The following PRDM15 variants were observed in gnomAD, a reference collection of about 807,000 sequenced individuals.
PRDM15 encodes PR domain zinc finger protein 15.
Under a neutral mutation model 128.6 loss-of-function variants are expected in PRDM15, and 64 were observed. The ratio of observed to expected loss-of-function variants is 0.50; its 90% confidence interval spans 0.41 to 0.61. The LOEUF is 0.61. Among genes scored for constraint, PRDM15 ranks in the 20% least tolerant of loss-of-function variants. The probability of loss-of-function intolerance (pLI) is 0.00; values close to 1 mark genes in which losing one functional copy is unlikely to be tolerated. For synonymous variants in PRDM15, 615 were observed against 621.8 expected, an observed-to-expected ratio of 0.99 and a Z score of 0.16; for missense variants, 1,242 against 1,569.1, an observed-to-expected ratio of 0.79 and a Z score of 3.52.
chr21:41,835,596 T>C, intron 10 of PRDM15, 72 bp from the exon 11 acceptor site: 1 of 1,278,992 alleles, frequency 7.8e-7, no homozygotes, highest in Non-Finnish European at 1.1e-6. Context: ...CCCGACGTGC[T>C]GCCCGGGCGA....
chr21:41,823,942 G>T (rs893886211), intron 13 of PRDM15, among the ~76,000 whole-genome samples: 1 of 152,154 alleles, frequency 6.6e-6, no homozygotes, highest in African/African-American at 2.4e-5. Context: ...CATCCAATAC[G>T]CATCCAAGGG....
intron 5 of PRDM15, 79 bp from the exon 6 acceptor site, chr21:41,847,270 G>C (rs79379629): frequency 0.046 from 46,845 of 1,027,180 alleles, 1,320 homozygotes; most frequent in Middle Eastern, 0.079. Context: ...CAGCGGAGGA[G>C]GGGTGTGTGC....
intron 1 of PRDM15, among the ~76,000 whole-genome samples, chr21:41,872,325 A>G (rs1262740308): frequency 6.6e-6 from 1 of 152,182 alleles, no homozygotes; most frequent in African/African-American, 2.4e-5. Flanking sequence ...TGGCAGATGA[A>G]GGGCTAGCTT....
At chr21:41,817,611 G>A (rs986040816) in intron 18 of PRDM15, among the ~76,000 whole-genome samples, 24 of 152,146 alleles carry the variant, frequency 1.6e-4, no homozygotes, top group Non-Finnish European at 5.9e-5. Context: ...AAAATAAAGG[G>A]TCTGGTTATA....
In PRDM15 at chr21:41,801,797, C is replaced by T. The variant is rs1601716826; in HGVS notation, c.2944-75G>A. On this transcript the variant is annotated intron_variant, in intron 23 of 23. Coordinates refer to ENST00000398548, the MANE Select transcript of PRDM15 (RefSeq NM_001040424.3). ...AACGCAAGGACCTCCCCAGGATGCG[C>T]TCTGTGTTACCACACCAAAGAAGCA... 4 of 1,487,586 alleles carry T rather than the reference C, an allele frequency of 2.7e-6. No individual in the cohort carries two copies. The African/African-American group carries it at 4.2e-5, about 15-fold the overall frequency. 92.1% of individuals were successfully genotyped at this position (1,487,586 alleles called of 1,614,324 possible).
In PRDM15 at chr21:41,840,442, C is replaced by CA. The variant is rs35052917; in HGVS notation, c.641-590dup. Reference sequence around the variant, plus strand: ...ACCAGGTGACAGAGCAAGACTGTCTCAAAAAAAAAAAAAAAAAAAAGAATT... The same window carrying CA: ...ACCAGGTGACAGAGCAAGACTGTCTCAAAAAAAAAAAAAAAAAAAAAGAATT... On this transcript the variant is annotated intron_variant, in intron 6 of 23. Transcript: ENST00000398548. Among the ~76,000 whole-genome samples, 640 of 91,084 alleles carry CA rather than the reference C, an allele frequency of 7.0e-3. 6 individuals carry two copies. Among genetic ancestry groups the CA allele is most frequent in the Middle Eastern group, 0.017 (3 of 178 alleles). The allele number at this position is 91,084 out of a possible 152,430, so 59.8% of individuals were successfully genotyped here. A position where few individuals can be genotyped will look rare whatever the true frequency, so the allele number is the denominator to read the frequency against.
At position 41,828,442 on chromosome 21, in the gene PRDM15, G is replaced by T; in HGVS notation, c.1367-109C>A. ...TAAAGCGCGGGTGACGGGCATGAGA[G>T]TCACGGGGATGCGTGGCCAGGAAGA... On this transcript the variant is annotated intron_variant, in intron 11 of 23. Transcript: ENST00000398548. This position sits in a 1 kb window ranked among gnomAD's most constrained non-coding sequence, Gnocchi z 5.7. The T allele has an allele frequency of 1.8e-6, 2 of 1,125,106 alleles. No individual in the cohort carries two copies. Among genetic ancestry groups the T allele is most frequent in the Non-Finnish European group, 2.6e-6 (2 of 757,308 alleles). The allele number at this position is 1,125,106 out of a possible 1,614,324, so 69.7% of individuals were successfully genotyped here.
chr21:41,807,599 C>CTT (rs1555858748), intron 21 of PRDM15, among the ~76,000 whole-genome samples: 1 of 151,728 alleles, frequency 6.6e-6, no homozygotes, highest in Non-Finnish European at 1.5e-5. Context: ...AATCACTTTG[C>CTT]CTCTGTCTAC....
intron 1 of PRDM15, among the ~76,000 whole-genome samples, chr21:41,868,681 CCTTTTT>C (rs1051490652): frequency 6.1e-5 from 8 of 130,902 alleles, no homozygotes; most frequent in African/African-American, 1.2e-4. Context: ...TGCCCATTTT[CCTTTTT>C]CTTTTTCTTT....
intron 10 of PRDM15, 119 bp downstream of exon 10, chr21:41,835,993 GC>G: frequency 4.3e-6 from 1 of 234,312 alleles, no homozygotes; most frequent in South Asian, 3.5e-5. Context: ...CTCCCCCACA[GC>G]CCCCGCCCAC....
intron 3 of PRDM15, chr21:41,858,937 A>G (rs1183951099): frequency 9.4e-6 from 9 of 961,680 alleles, no homozygotes; most frequent in Non-Finnish European, 1.4e-5. Context: ...CGTGCCAGGT[A>G]CCATCACCCA....
Position 41,832,768 on chromosome 21 carries a change from T to C in PRDM15, c.1366+2669A>G, listed in dbSNP as rs933085244. 6.6e-6 allele frequency among the ~76,000 whole-genome samples: 1 copy of C among 152,188 alleles called. No homozygotes were observed. Among genetic ancestry groups the C allele is most frequent in the Non-Finnish European group, 1.5e-5 (1 of 68,030 alleles). Reference sequence around the variant, plus strand: ...CCCCCTCCTGGGCAGGTGGCTCCACTAGTCCTGCCGCCCCGTGGAAGGCAA... The same window carrying C: ...CCCCCTCCTGGGCAGGTGGCTCCACCAGTCCTGCCGCCCCGTGGAAGGCAA... On this transcript the variant is annotated intron_variant, in intron 11 of 23. Transcript: ENST00000398548. The surrounding 1 kb of genome is among the most constrained non-coding windows in gnomAD (Gnocchi z 4.2).
At position 41,821,291 on chromosome 21, in the gene PRDM15, T is replaced by A; in HGVS notation, c.1897-61A>T. 1.9e-6 allele frequency: 3 copies of A among 1,596,686 alleles called. No homozygotes were observed. The highest frequency in any genetic ancestry group is 2.6e-6 in the Non-Finnish European group (3 of 1,169,190). ...GCATGAGGTCCCTGGTCCTCTTAGC[T>A]AATGAGGTCGTGTCCACAAACCAGG... On this transcript the variant is annotated intron_variant, in intron 15 of 23. Transcript: ENST00000398548. The surrounding 1 kb of genome is among the most constrained non-coding windows in gnomAD (Gnocchi z 5.4).
At chr21:41,844,183 A>G (rs2063158627) in intron 6 of PRDM15, among the ~76,000 whole-genome samples, 1 of 152,110 alleles carries the variant, frequency 6.6e-6, no homozygotes, top group African/African-American at 2.4e-5. Context: ...CGTTTGCCTC[A>G]TTAGAACAGC....
intron 14 of PRDM15, 51 bp downstream of exon 14, chr21:41,823,267 C>T (rs1352580708): frequency 6.3e-7 from 1 of 1,592,128 alleles, no homozygotes; most frequent in Non-Finnish European, 8.5e-7. Flanking sequence ...AGACGCTGGC[C>T]TGGGGGCCTG....
chr21:41,811,928 T>G lies in PRDM15; in HGVS notation c.2393-1092A>C, dbSNP rs2061878188. On this transcript the variant is annotated intron_variant, in intron 19 of 23. Transcript: ENST00000398548. The surrounding 1 kb of genome is among the most constrained non-coding windows in gnomAD (Gnocchi z 4.1). ...ACCTCGTGATCCGCCCGCCTCGGCCTCCCAAAGTGCTGGGATTACAAGCGT... is the reference window on the plus strand; with the variant it reads ...ACCTCGTGATCCGCCCGCCTCGGCCGCCCAAAGTGCTGGGATTACAAGCGT... 6.6e-6 allele frequency: 1 copy of G among 152,232 alleles called. No individual in the cohort carries two copies. The highest frequency in any genetic ancestry group is 1.5e-5 in the Non-Finnish European group (1 of 68,090). The allele number at this position is 152,232 out of a possible 1,614,324, so 9.4% of individuals were successfully genotyped here.
intron 13 of PRDM15, 105 bp downstream of exon 13, chr21:41,825,855 C>G: frequency 3.3e-6 from 3 of 906,196 alleles, no homozygotes; most frequent in Non-Finnish European, 5.3e-6. Flanking sequence ...ATCGTTACCC[C>G]CCAAATCTTC....
chr21:41,802,608 G>A, intron 23 of PRDM15, 104 bp downstream of exon 23: 1 of 941,698 alleles, frequency 1.1e-6, no homozygotes, highest in Non-Finnish European at 1.7e-6. Flanking sequence ...AAGTCCACAT[G>A]TACACTGTGT....
rs148034843 is a variant in PRDM15, at chr21:41,856,331, T to C, written c.285+845A>G. Among the ~76,000 whole-genome samples the C allele has an allele frequency of 4.8e-5, 7 of 144,374 alleles. No homozygotes were observed. In the East Asian group the frequency reaches 1.5e-3, roughly 30 times the overall value. 94.7% of individuals were successfully genotyped at this position (144,374 alleles called of 152,430 possible). A position where few individuals can be genotyped will look rare whatever the true frequency, so the allele number is the denominator to read the frequency against. The stretch of plus-strand genomic sequence containing the variant: ...TTCTTTTGTAAACAAATCAAGTGCC[T>C]TTCCTTCTTCCCCCCTTTTTGCTGA... On this transcript the variant is annotated intron_variant, in intron 4 of 23. Coordinates refer to ENST00000398548, the MANE Select transcript of PRDM15 (RefSeq NM_001040424.3).
Sources: gnomAD v4.1 joint callset for allele counts (sites outside exome capture counted in the v4.1 genomes callset) on GRCh38, gnomAD v4.1.1 for gene constraint, Gnocchi (gnomAD v3.1) non-coding constraint, MANE v1.5 for transcripts, NCBI Gene and HGNC (gene_info 2026-07-23, HGNC 2026-07-21) for gene names.